CNTNAP2: variants seen among roughly 807,000 people sequenced by gnomAD.
The protein encoded by CNTNAP2 is contactin associated protein 2.
Under a neutral mutation model 155.2 loss-of-function variants are expected in CNTNAP2, and 98 were observed. That is an observed-to-expected ratio of 0.63 (90% CI 0.54 to 0.75). The LOEUF (loss-of-function observed/expected upper bound fraction) is 0.75. CNTNAP2 is among the 30% of genes least tolerant of loss of function. The pLI is 0.00. For synonymous variants in CNTNAP2, 651 were observed against 631.2 expected (o/e 1.03, Z -0.47); for missense variants, 1,727 against 1,688.1 (o/e 1.02, Z -0.40).
intron 1 of CNTNAP2, among the ~76,000 whole-genome samples, chr7:146,249,687 A>C (rs1325985018): frequency 6.6e-6 from 1 of 152,188 alleles, no homozygotes. Context: ...AAGTATTTGA[A>C]AACTTGTCAG....
At chr7:148,152,707 C>A (rs1279091409) in intron 17 of CNTNAP2, among the ~76,000 whole-genome samples, 1 of 152,104 alleles carries the variant, frequency 6.6e-6, no homozygotes, top group Non-Finnish European at 1.5e-5. Context: ...TAAGGAGGGA[C>A]AATTATCATC....
At chr7:147,178,721 T>C (rs1802398057) in intron 8 of CNTNAP2, among the ~76,000 whole-genome samples, 1 of 152,206 alleles carries the variant, frequency 6.6e-6, no homozygotes. Context: ...TAAAGTGCCT[T>C]TGACCATATT....
chr7:148,039,316 G>T (rs1802627066), intron 15 of CNTNAP2, among the ~76,000 whole-genome samples: 2 of 152,114 alleles, frequency 1.3e-5, no homozygotes, highest in African/African-American at 4.8e-5. Flanking sequence ...GACAAAAAAA[G>T]AATTTGTCTT....
At chr7:146,891,165 A>C (rs1441638833) in intron 3 of CNTNAP2, among the ~76,000 whole-genome samples, 1 of 152,188 alleles carries the variant, frequency 6.6e-6, no homozygotes, top group African/African-American at 2.4e-5. Flanking sequence ...AATACCATAC[A>C]CTATCATTTA....
intron 3 of CNTNAP2, among the ~76,000 whole-genome samples, chr7:146,872,834 G>A (rs1053910119): frequency 1.3e-5 from 2 of 152,174 alleles, no homozygotes; most frequent in Non-Finnish European, 2.9e-5. Context: ...AAATTGTCAT[G>A]CAAATGGTTC....
rs1257677861 is a variant in CNTNAP2, at chr7:146,457,959, C to T, written c.98-316312C>T. ...TTACTGTCATACACTTGTTTGAAGG[C>T]TACTTAAACTATCCATAAAAGGAAC... On this transcript the variant is annotated intron_variant, in intron 1 of 23. Transcript: ENST00000361727. Among the ~76,000 whole-genome samples, 8 of 152,048 alleles carry T rather than the reference C, an allele frequency of 5.3e-5. No homozygotes were observed. In the South Asian group the frequency reaches 1.7e-3, roughly 31 times the overall value.
intron 8 of CNTNAP2, among the ~76,000 whole-genome samples, chr7:147,220,127 A>C (rs1382159435): frequency 6.6e-6 from 1 of 151,922 alleles, no homozygotes; most frequent in Non-Finnish European, 1.5e-5. Context: ...TCTCAACACT[A>C]TTGCACTGGG....
At chr7:148,216,405 A>G (rs1043845775) in intron 18 of CNTNAP2, among the ~76,000 whole-genome samples, 2 of 152,318 alleles carry the variant, frequency 1.3e-5, no homozygotes, top group African/African-American at 4.8e-5. Context: ...GGCAGAGCCA[A>G]ATTTGAACCC....
intron 21 of CNTNAP2, among the ~76,000 whole-genome samples, chr7:148,367,787 T>C (rs1421896658): frequency 6.6e-6 from 1 of 152,092 alleles, no homozygotes; most frequent in African/African-American, 2.4e-5. Flanking sequence ...GTACGCAACA[T>C]GTCACCAAGA....
intron 21 of CNTNAP2, among the ~76,000 whole-genome samples, chr7:148,360,916 C>A (rs1252555123): frequency 1.3e-5 from 2 of 151,232 alleles, no homozygotes; most frequent in Non-Finnish European, 2.9e-5. Context: ...TTCAAGTGAT[C>A]TCCTGCCTCA....
In CNTNAP2 at chr7:147,797,413, G is replaced by T. The variant is rs555517809; in HGVS notation, c.2099-106152G>T. Reference sequence around the variant, plus strand: ...TATTGACCATCAATGAAAAAAAAAGGTATCTAAAAATGGGAAGTATTTAAG... The same window carrying T: ...TATTGACCATCAATGAAAAAAAAAGTTATCTAAAAATGGGAAGTATTTAAG... On this transcript the variant is annotated intron_variant, in intron 13 of 23. Coordinates refer to ENST00000361727, the MANE Select transcript of CNTNAP2 (RefSeq NM_014141.6). Among the ~76,000 whole-genome samples the T allele has an allele frequency of 1.6e-3, 250 of 151,924 alleles. 1 individual carries two copies. The highest frequency in any genetic ancestry group is 5.2e-3 in the African/African-American group (214 of 41,424).
intron 20 of CNTNAP2, among the ~76,000 whole-genome samples, chr7:148,242,319 C>T (rs1429556747): frequency 1.3e-5 from 2 of 152,142 alleles, no homozygotes; most frequent in East Asian, 3.9e-4. Flanking sequence ...GTAAGTGTAT[C>T]TCAACATGCG....
intron 3 of CNTNAP2, among the ~76,000 whole-genome samples, chr7:146,908,617 C>G (rs1216583589): frequency 8.5e-5 from 11 of 129,800 alleles, no homozygotes; most frequent in Non-Finnish European, 1.8e-4. Context: ...AACAAAGACA[C>G]AACATACCAG....
intron 9 of CNTNAP2, among the ~76,000 whole-genome samples, chr7:147,327,176 T>C (rs545547325): frequency 2.0e-5 from 3 of 152,242 alleles, no homozygotes; most frequent in East Asian, 1.9e-4. Context: ...GAAATATTCA[T>C]TGGCTTCTTA....
chr7:148,057,104 C>A (rs893166317), intron 15 of CNTNAP2, among the ~76,000 whole-genome samples: 3 of 152,172 alleles, frequency 2.0e-5, no homozygotes, highest in African/African-American at 7.2e-5. Flanking sequence ...GTATTCACAG[C>A]CCTCGGTGCA....
At chr7:148,380,692 A>G (rs1484300098) in intron 21 of CNTNAP2, among the ~76,000 whole-genome samples, 17 of 152,146 alleles carry the variant, frequency 1.1e-4, no homozygotes, top group Admixed American at 1.1e-3. Flanking sequence ...AACTTCTCTA[A>G]GCCTCGTTTC....
intron 13 of CNTNAP2, among the ~76,000 whole-genome samples, chr7:147,785,851 G>A (rs931712171): frequency 1.3e-5 from 2 of 151,736 alleles, no homozygotes; most frequent in African/African-American, 2.4e-5. Context: ...AATTAGCCAG[G>A]TGTAGTGGTG....
At chr7:148,245,168 T>C (rs1213490904) in intron 20 of CNTNAP2, among the ~76,000 whole-genome samples, 1 of 152,168 alleles carries the variant, frequency 6.6e-6, no homozygotes, top group East Asian at 1.9e-4. Flanking sequence ...AGCCTTGCTC[T>C]TCTATGGCAA....
intron 14 of CNTNAP2, among the ~76,000 whole-genome samples, chr7:147,913,816 G>A (rs1359562207): frequency 6.6e-6 from 1 of 152,142 alleles, no homozygotes; most frequent in South Asian, 2.1e-4. Context: ...TGAGAATCAG[G>A]GGACCCAAGC....
Sources: allele counts gnomAD v4.1 joint callset (sites outside exome capture counted in the v4.1 genomes callset), GRCh38; gene constraint gnomAD v4.1.1; transcripts MANE v1.5; gene names NCBI Gene and HGNC (gene_info 2026-07-23, HGNC 2026-07-21).